The following PTPRD variants were observed in gnomAD, a reference collection of about 807,000 sequenced individuals.
PTPRD encodes the protein receptor-type tyrosine-protein phosphatase delta.
In PTPRD, 34 loss-of-function variants were observed where a neutral mutation model predicts 214.5. The observed-to-expected ratio is 0.16, with a 90% CI of 0.12 to 0.21. The LOEUF (loss-of-function observed/expected upper bound fraction) is 0.21, where lower values mean the gene tolerates loss of function less well. Among genes scored for constraint, PTPRD ranks in the 10% least tolerant of loss-of-function variants. The pLI is 1.00. For missense variants in PTPRD, 2,545 were observed against 2,398.7 expected (o/e 1.06, Z -1.27); for synonymous variants, 1,128 against 845.7 (o/e 1.33, Z -5.79).
chr9:10,033,481 A>C (rs1352249319), intron 4 of PTPRD, among the ~76,000 whole-genome samples: 1 of 152,038 alleles, frequency 6.6e-6, no homozygotes, highest in Non-Finnish European at 1.5e-5. Flanking sequence ...ACTGCTTTTT[A>C]TTCCAGCACA....
chr9:8,435,579 C>T lies in PTPRD; in HGVS notation c.4086+1013G>A, dbSNP rs1273424787. On this transcript the variant is annotated intron_variant, in intron 35 of 45. Transcript: ENST00000381196. ...TATGTTAAAACTGGTCTAGAAAAAA[C>T]AATTATCGTCCAGTTATCAACAATG... Among the ~76,000 whole-genome samples the T allele has an allele frequency of 3.9e-5, 6 of 152,206 alleles. No individual in the cohort carries two copies. In the East Asian group the frequency reaches 9.7e-4, roughly 25 times the overall value.
Position 8,376,593 on chromosome 9 carries a change from G to T in PTPRD, c.4506+14C>A. On this transcript the variant is annotated intron_variant, in intron 38 of 45. Transcript: ENST00000381196. ...AGAGAAGGGAAAGGGAGGAGAAAAA[G>T]ATGAAAAGCAAACCTTGTAAAGTGC... The T allele has an allele frequency of 6.2e-7, 1 of 1,612,404 alleles. No individual in the cohort carries two copies. The highest frequency in any genetic ancestry group is 8.5e-7 in the Non-Finnish European group (1 of 1,178,930).
At chr9:9,687,883 C>G (rs569911359) in intron 7 of PTPRD, among the ~76,000 whole-genome samples, 18 of 151,934 alleles carry the variant, frequency 1.2e-4, no homozygotes, top group Non-Finnish European at 2.1e-4. Flanking sequence ...CCACCCAACT[C>G]TTATCTCGAA....
intron 9 of PTPRD, among the ~76,000 whole-genome samples, chr9:9,384,142 T>C (rs2063136160): frequency 1.3e-5 from 2 of 151,638 alleles, no homozygotes; most frequent in African/African-American, 4.8e-5. Context: ...AGATACATAA[T>C]TTATATTTTA....
At chr9:8,557,470 C>A in intron 14 of PTPRD, among the ~76,000 whole-genome samples, 1 of 129,806 alleles carries the variant, frequency 7.7e-6, no homozygotes, top group African/African-American at 4.2e-5. Context: ...GGGCCGGGCG[C>A]GGTGGCTCAT....
chr9:9,662,721 A>T (rs1263425776), intron 7 of PTPRD, among the ~76,000 whole-genome samples: 1 of 151,624 alleles, frequency 6.6e-6, no homozygotes, highest in Non-Finnish European at 1.5e-5. Context: ...ACACATATCT[A>T]CTGAAGGCTT....
At chr9:10,282,397 T>G (rs1256493091) in intron 3 of PTPRD, among the ~76,000 whole-genome samples, 1 of 152,176 alleles carries the variant, frequency 6.6e-6, no homozygotes, top group East Asian at 1.9e-4. Context: ...GGATACTTTT[T>G]CACTCCAGAT....
At chr9:9,375,528 G>A (rs566049018) in intron 9 of PTPRD, among the ~76,000 whole-genome samples, 28 of 152,128 alleles carry the variant, frequency 1.8e-4, no homozygotes, top group South Asian at 4.1e-4. Flanking sequence ...CCTGGGAGGC[G>A]GAGGCTGCAG....
intron 9 of PTPRD, among the ~76,000 whole-genome samples, chr9:9,282,757 A>G (rs759368727): frequency 1.2e-4 from 18 of 151,460 alleles, no homozygotes; most frequent in Admixed American, 4.6e-4. Context: ...TAAATGTTAA[A>G]GGTGAGTTTT....
In PTPRD at chr9:9,948,321, T is replaced by A. The variant is rs370785783; in HGVS notation, c.-471-9711A>T. Among the ~76,000 whole-genome samples, 61 of 152,168 alleles carry A rather than the reference T, an allele frequency of 4.0e-4. No individual in the cohort carries two copies. The East Asian group carries it at 0.01, about 26-fold the overall frequency. On this transcript the variant is annotated intron_variant, in intron 4 of 45. Coordinates refer to ENST00000381196, the MANE Select transcript of PTPRD (RefSeq NM_002839.4). Reference sequence around the variant, plus strand: ...AAAAAATGTGACTATCTTCCCTCAATAGATTGGGATATTCTAGGAAGGGAT... The same window carrying A: ...AAAAAATGTGACTATCTTCCCTCAAAAGATTGGGATATTCTAGGAAGGGAT...
intron 3 of PTPRD, among the ~76,000 whole-genome samples, chr9:10,265,324 A>G (rs1341059832): frequency 6.6e-6 from 1 of 152,162 alleles, no homozygotes; most frequent in Non-Finnish European, 1.5e-5. Context: ...TGACCACATC[A>G]GCTAACAGCC....
intron 12 of PTPRD, among the ~76,000 whole-genome samples, chr9:8,727,121 A>G (rs1354275834): frequency 3.3e-5 from 5 of 151,522 alleles, no homozygotes; most frequent in Admixed American, 1.3e-4. Context: ...TACAAATAAT[A>G]AGAATTAGTT....
intron 36 of PTPRD, 70 bp downstream of exon 36, chr9:8,404,467 A>C: frequency 6.5e-7 from 1 of 1,541,214 alleles, no homozygotes; most frequent in Non-Finnish European, 8.8e-7. Context: ...AACCTCACTA[A>C]AACAATATTC....
chr9:10,190,094 C>T (rs542414969), intron 3 of PTPRD, among the ~76,000 whole-genome samples: 26 of 152,102 alleles, frequency 1.7e-4, no homozygotes, highest in Non-Finnish European at 2.6e-4. Flanking sequence ...GGGCCAGGCG[C>T]GGTGGGTCAC....
chr9:10,352,309 C>T (rs1052801930), intron 2 of PTPRD, among the ~76,000 whole-genome samples: 19 of 151,988 alleles, frequency 1.3e-4, no homozygotes, highest in African/African-American at 4.3e-4. Context: ...CTTGTTTCAT[C>T]GCTAGAAGTA....
chr9:8,358,117 G>T (rs1385480491), intron 39 of PTPRD, among the ~76,000 whole-genome samples: 2 of 152,128 alleles, frequency 1.3e-5, no homozygotes, highest in Non-Finnish European at 2.9e-5. Flanking sequence ...TTTAGTGTCT[G>T]TTTCACACAT....
chr9:10,288,197 T>C (rs1414249923), intron 3 of PTPRD, among the ~76,000 whole-genome samples: 2 of 150,412 alleles, frequency 1.3e-5, no homozygotes, highest in African/African-American at 4.9e-5. Context: ...TGGTTAATTT[T>C]GTCTTAATCC....
At chr9:8,819,852 G>A (rs971344744) in intron 11 of PTPRD, among the ~76,000 whole-genome samples, 6 of 152,188 alleles carry the variant, frequency 3.9e-5, no homozygotes, top group African/African-American at 1.2e-4. Context: ...AGCACAAAAC[G>A]AGCTGAAAGA....
intron 3 of PTPRD, among the ~76,000 whole-genome samples, chr9:10,118,474 T>C (rs952116172): frequency 6.6e-6 from 1 of 151,724 alleles, no homozygotes; most frequent in Non-Finnish European, 1.5e-5. Flanking sequence ...ATACTTCACA[T>C]AGTACCTGAC....
Sources: allele counts gnomAD v4.1 joint callset (sites outside exome capture counted in the v4.1 genomes callset), GRCh38; gene constraint gnomAD v4.1.1; transcripts MANE v1.5; gene names NCBI Gene and HGNC (gene_info 2026-07-23, HGNC 2026-07-21).